PHGR1: variants seen among roughly 807,000 people sequenced by gnomAD.
The protein encoded by PHGR1 is proline, histidine and glycine rich 1.
In PHGR1, 3 loss-of-function variants were observed where a neutral mutation model predicts 4.9. That is an observed-to-expected ratio of 0.61 (90% CI 0.28 to 1.58). The LOEUF (loss-of-function observed/expected upper bound fraction) is 1.58. Among genes scored for constraint, PHGR1 ranks in the 40% most tolerant of loss-of-function variants. PHGR1 has a pLI of 0.11. For synonymous variants in PHGR1, 32 were observed against 46.1 expected (o/e 0.69, Z 1.24); for missense variants, 81 against 118.7 (o/e 0.68, Z 1.48).
chr15:40,353,154 C>CGT lies in PHGR1; in HGVS notation c.-26-77_-26-76insTG, dbSNP rs1889235062. ...GTGTGTGTGTGTGTGTGTGCGCGCG[C>CGT]GCGCGCATCCGTGGGAGGGAGAAAG... On this transcript the variant is annotated intron_variant, in intron 1 of 3. Coordinates refer to ENST00000448599, the MANE Select transcript of PHGR1 (RefSeq NM_001145643.2). 1.1e-5 allele frequency: 15 copies of CGT among 1,312,698 alleles called. No homozygotes were observed. The South Asian group carries it at 1.3e-4, about 11-fold the overall frequency. 81.3% of individuals were successfully genotyped at this position (1,312,698 alleles called of 1,614,324 possible).
chr15:40,355,981 GT>G, intron 3 of PHGR1, 91 bp from the exon 4 acceptor site: 1 of 1,332,514 alleles, frequency 7.5e-7, no homozygotes, highest in Non-Finnish European at 1.0e-6. Flanking sequence ...GAAATCCTGA[GT>G]CCCCCAGGGA....
chr15:40,354,361 G>C lies in PHGR1; in HGVS notation c.18+9G>C, dbSNP rs751546285. The stretch of plus-strand genomic sequence containing the variant: ...CTCCCACAGGTCCGAAGGTAGGAAA[G>C]TTCCCCCAATGGTCTCCCCTTTTTC... On this transcript the variant is annotated intron_variant, in intron 3 of 3. Transcript: ENST00000448599. 5 of 1,535,728 alleles carry C rather than the reference G, an allele frequency of 3.3e-6. No individual in the cohort carries two copies. The Admixed American group carries it at 5.9e-5, about 18-fold the overall frequency.
chr15:40,353,502 T>C, intron 2 of PHGR1: 1 of 542,812 alleles, frequency 1.8e-6, no homozygotes. Context: ...CTTCTAAGGG[T>C]AGGTGCTTCT....
At chr15:40,352,821 T>C (rs1325420751) in intron 1 of PHGR1, among the ~76,000 whole-genome samples, 1 of 152,184 alleles carries the variant, frequency 6.6e-6, no homozygotes, top group South Asian at 2.1e-4. Flanking sequence ...AAGCATACCA[T>C]GACCTGGCAC....
chr15:40,355,261 C>T (rs574006624), intron 3 of PHGR1, among the ~76,000 whole-genome samples: 5 of 151,998 alleles, frequency 3.3e-5, no homozygotes, highest in Non-Finnish European at 7.4e-5. Flanking sequence ...TTTTCCAGAC[C>T]TCTTCTGACT....
intron 3 of PHGR1, 121 bp downstream of exon 3, chr15:40,354,473 A>G: frequency 1.6e-6 from 2 of 1,270,582 alleles, no homozygotes; most frequent in Non-Finnish European, 2.2e-6. Context: ...AAAAGAAGGG[A>G]GCAGGCTCAG....
intron 1 of PHGR1, 86 bp from the exon 2 acceptor site, chr15:40,353,146 T>TGTGTGTGTGC (rs56132408): frequency 1.2e-4 from 94 of 776,190 alleles, no homozygotes; most frequent in African/African-American, 3.5e-4. Flanking sequence ...TGTGTGTGTG[T>TGTGTGTGTGC]GCGCGCGCGC....
At chr15:40,355,500 C>T (rs572944933) in intron 3 of PHGR1, among the ~76,000 whole-genome samples, 3 of 152,280 alleles carry the variant, frequency 2.0e-5, no homozygotes, top group East Asian at 3.9e-4. Flanking sequence ...ATACACACTA[C>T]CTATAAAAAG....
chr15:40,351,838 G>C (rs1447858792), intron 1 of PHGR1, among the ~76,000 whole-genome samples: 1 of 152,126 alleles, frequency 6.6e-6, no homozygotes, highest in Non-Finnish European at 1.5e-5. Flanking sequence ...CCGGGTTCAA[G>C]CGATTCTTCT....
intron 1 of PHGR1, among the ~76,000 whole-genome samples, 154 bp from the exon 2 acceptor site, chr15:40,353,078 G>A (rs1889229769): frequency 6.6e-6 from 1 of 151,848 alleles, no homozygotes; most frequent in African/African-American, 2.4e-5. Flanking sequence ...CTAAGCCGGA[G>A]GGAGCAGTTT....
chr15:40,354,375 C>G (rs1236583198), intron 3 of PHGR1, 23 bp downstream of exon 3: 2 of 1,533,512 alleles, frequency 1.3e-6, no homozygotes, highest in Admixed American at 2.0e-5. Context: ...CCCCAATGGT[C>G]TCCCCTTTTT....
rs1889299251 is a variant in PHGR1, at chr15:40,356,255, T to TC, written c.206dup (p.Gly70TrpfsTer17). On this transcript the variant is annotated frameshift_variant, in exon 4 of 4. Transcript: ENST00000448599. LOFTEE classifies it high-confidence loss of function. ...ACCATGGTCCAGGGCCCTGCGGGCC[T>TC]CCCCCTGGCCATGGCCCAGGTCACC... The TC allele has an allele frequency of 6.6e-7, 1 of 1,519,234 alleles. No homozygotes were observed. Among genetic ancestry groups the TC allele is most frequent in the Non-Finnish European group, 8.8e-7 (1 of 1,135,558 alleles). The allele number at this position is 1,519,234 out of a possible 1,614,324, so 94.1% of individuals were successfully genotyped here.
chr15:40,355,062 G>C (rs967493386), intron 3 of PHGR1, among the ~76,000 whole-genome samples: 8 of 152,194 alleles, frequency 5.3e-5, no homozygotes, highest in South Asian at 2.1e-4. Flanking sequence ...CAGACAGTGG[G>C]AGCATAGCCC....
chr15:40,356,077 A>T lies in PHGR1; in HGVS notation c.23A>T (p.His8Leu). Residue 8 changes from histidine (H) to leucine (L), a missense_variant, in exon 4 of 4, where the codon CAC becomes CTC. Transcript: ENST00000448599. MDPGPKG[H>L]CHCGGHGHPP... ...TGTTCATTTGACTTTCCACAGGGGC[A>T]CTGCCACTGTGGGGGGCATGGCCAT... 3.2e-6 allele frequency: 5 copies of T among 1,549,820 alleles called. No homozygotes were observed. The highest frequency in any genetic ancestry group is 4.4e-6 in the Non-Finnish European group (5 of 1,146,768).
At chr15:40,353,202 A>G (rs1889236567) in intron 1 of PHGR1, 30 bp from the exon 2 acceptor site, 1 of 1,548,686 alleles carries the variant, frequency 6.5e-7, no homozygotes, top group Non-Finnish European at 8.7e-7. Context: ...TTTAGATTAC[A>G]GTAAATTAAA....
chr15:40,353,854 A>G (rs1245968216), intron 2 of PHGR1: 1 of 183,094 alleles, frequency 5.5e-6, no homozygotes, highest in Non-Finnish European at 1.2e-5. Flanking sequence ...GCAAAGGCCA[A>G]GAGCTGAGAA....
At chr15:40,353,022 C>A (rs547943582) in intron 1 of PHGR1, among the ~76,000 whole-genome samples, 1 of 152,188 alleles carries the variant, frequency 6.6e-6, no homozygotes, top group Admixed American at 6.5e-5. Context: ...GTCCATTTAA[C>A]CCCCATGCCT....
At chr15:40,355,921 G>A (rs1889286549) in intron 3 of PHGR1, 152 bp from the exon 4 acceptor site, 1 of 799,326 alleles carries the variant, frequency 1.3e-6, no homozygotes, top group African/African-American at 1.7e-5. Context: ...AAAGGCACGG[G>A]ACATGCTACC....
intron 3 of PHGR1, 30 bp from the exon 4 acceptor site, chr15:40,356,043 C>T (rs1359324833): frequency 2.6e-6 from 4 of 1,545,078 alleles, no homozygotes; most frequent in Admixed American, 2.0e-5. Flanking sequence ...TGACCTCTGA[C>T]TCTGACATTG....
Sources: gnomAD v4.1 joint callset for allele counts (sites outside exome capture counted in the v4.1 genomes callset) on GRCh38, gnomAD v4.1.1 for gene constraint, MANE v1.5 for transcripts, NCBI Gene and HGNC (gene_info 2026-07-23, HGNC 2026-07-21) for gene names.